Variants in DMD observed in about 807,000 individuals in gnomAD.
DMD encodes dystrophin, also known as mutant dystrophin.
A neutral mutation model predicts 330.1 loss-of-function variants in DMD; 63 were observed. The observed-to-expected ratio is 0.19, with a 90% CI of 0.16 to 0.24. The LOEUF (loss-of-function observed/expected upper bound fraction) is 0.24. Ranked by LOEUF, DMD falls within the 10% of genes least tolerant of loss-of-function variation. The pLI, the probability that DMD is intolerant of heterozygous loss-of-function variation, is 1.00. For missense variants in DMD, 3,344 were observed against 2,684.1 expected (o/e 1.25, Z -5.43); for synonymous variants, 1,223 against 959.8 (o/e 1.27, Z -5.07).
At chrX:31,415,256 G>A (rs1343113967) in intron 60 of DMD, among the ~76,000 whole-genome samples, 1 of 112,219 alleles carries the variant, frequency 8.9e-6, no homozygotes, top group Non-Finnish European at 1.9e-5. Flanking sequence ...GATCAAACAA[G>A]GTCTACTAAC....
At chrX:32,054,938 A>G (rs2096156817) in intron 44 of DMD, among the ~76,000 whole-genome samples, 1 of 109,093 alleles carries the variant, frequency 9.2e-6, no homozygotes, top group Non-Finnish European at 1.9e-5. Context: ...CCAGAGATAC[A>G]AGGATGCAAA....
At chrX:32,489,258 G>T (rs1411584854) in intron 20 of DMD, among the ~76,000 whole-genome samples, 1 of 109,823 alleles carries the variant, frequency 9.1e-6, no homozygotes, top group African/African-American at 3.3e-5. Flanking sequence ...ACATGTTGAA[G>T]TCCTAACCAT....
chrX:31,621,304 A>C (rs963983882), intron 55 of DMD, among the ~76,000 whole-genome samples: 3 of 111,715 alleles, frequency 2.7e-5, no homozygotes, highest in Admixed American at 1.9e-4. Flanking sequence ...TGTTTGTTCA[A>C]CCTCACCACT....
intron 55 of DMD, among the ~76,000 whole-genome samples, chrX:31,519,782 G>C (rs2072577600): frequency 8.9e-6 from 1 of 111,916 alleles, no homozygotes; most frequent in South Asian, 3.7e-4. Flanking sequence ...AGTTTTGAAT[G>C]TTAAAGAAGG....
intron 6 of DMD, among the ~76,000 whole-genome samples, chrX:32,814,277 A>T (rs1006490156): frequency 2.7e-5 from 3 of 112,565 alleles, no homozygotes; most frequent in Non-Finnish European, 5.6e-5. Context: ...GGGTTTTAAC[A>T]CAAAAAGTAG....
intron 44 of DMD, among the ~76,000 whole-genome samples, chrX:32,067,747 A>G (rs1418529869): frequency 8.9e-6 from 1 of 111,991 alleles, no homozygotes; most frequent in Non-Finnish European, 1.9e-5. Context: ...TACTTTATCC[A>G]ATCCAACGTT....
chrX:32,705,547 C>T (rs988204663), intron 7 of DMD, among the ~76,000 whole-genome samples: 4 of 111,797 alleles, frequency 3.6e-5, no homozygotes, highest in Non-Finnish European at 3.8e-5. Context: ...GGCGCTTTAG[C>T]TCATGCCTGT....
intron 50 of DMD, among the ~76,000 whole-genome samples, chrX:31,815,399 G>A (rs191305527): frequency 9.9e-4 from 107 of 107,760 alleles, no homozygotes; most frequent in African/African-American, 3.7e-3. Flanking sequence ...GCTGTGAGCC[G>A]AGATTGCACC....
chrX:32,624,813 C>T (rs1277766469), intron 11 of DMD, among the ~76,000 whole-genome samples: 1 of 112,136 alleles, frequency 8.9e-6, no homozygotes, highest in Admixed American at 9.4e-5. Flanking sequence ...GACATGAAAA[C>T]GTATCTGTAT....
chrX:31,396,298 C>T (rs1037648025), intron 60 of DMD, among the ~76,000 whole-genome samples: 22 of 110,370 alleles, frequency 2.0e-4, no homozygotes, highest in African/African-American at 7.3e-4. Flanking sequence ...CAACCACGCC[C>T]GGCTAATTTT....
At chrX:31,772,906 A>G in intron 51 of DMD, among the ~76,000 whole-genome samples, 1 of 112,263 alleles carries the variant, frequency 8.9e-6, no homozygotes, top group Non-Finnish European at 1.9e-5. Context: ...CTGTACTCAG[A>G]ATAGGAAACG....
chrX:32,361,446 C>T (rs896119992), intron 37 of DMD, among the ~76,000 whole-genome samples: 3 of 111,366 alleles, frequency 2.7e-5, no homozygotes, highest in South Asian at 3.7e-4. Context: ...TATATAAGGT[C>T]TCTATGTATG....
At chrX:31,293,304 G>T (rs1276635828) in intron 62 of DMD, among the ~76,000 whole-genome samples, 1 of 107,039 alleles carries the variant, frequency 9.3e-6, no homozygotes, top group Non-Finnish European at 1.9e-5. Context: ...GCGAACATAG[G>T]TGTATTCATT....
intron 44 of DMD, among the ~76,000 whole-genome samples, chrX:32,125,769 G>A (rs1407651346): frequency 1.8e-5 from 2 of 109,905 alleles, no homozygotes; most frequent in East Asian, 5.7e-4. Flanking sequence ...TAGATGAAGA[G>A]AACTGAAGTC....
intron 57 of DMD, among the ~76,000 whole-genome samples, chrX:31,482,185 T>C (rs2068340695): frequency 9.7e-6 from 1 of 103,160 alleles, no homozygotes; most frequent in Non-Finnish European, 2.0e-5. Context: ...AGGATAAAAT[T>C]ATTGAAGAGT....
At chrX:32,621,455 G>A (rs1448080830) in intron 11 of DMD, among the ~76,000 whole-genome samples, 1 of 108,989 alleles carries the variant, frequency 9.2e-6, no homozygotes, top group African/African-American at 3.4e-5. Context: ...TGACCAATAA[G>A]AAGAGATGTA....
At chrX:32,086,693 A>G (rs1476656156) in intron 44 of DMD, among the ~76,000 whole-genome samples, 4 of 111,639 alleles carry the variant, frequency 3.6e-5, no homozygotes, top group Non-Finnish European at 7.5e-5. Context: ...GGCATGTGAC[A>G]GTAGATGCTA....
At chrX:33,046,636 T>C (rs951306776) in intron 1 of DMD, among the ~76,000 whole-genome samples, 2 of 112,231 alleles carry the variant, frequency 1.8e-5, no homozygotes, top group African/African-American at 6.5e-5. Context: ...TGATTGTAAA[T>C]ATCAATCCTG....
At chrX:32,670,828 T>G (rs1391308468) in intron 9 of DMD, among the ~76,000 whole-genome samples, 2 of 112,170 alleles carry the variant, frequency 1.8e-5, no homozygotes, top group Non-Finnish European at 3.8e-5. Context: ...TACAGTTTTT[T>G]TCCTGCTATG....
Sources: gnomAD v4.1 joint callset for allele counts (sites outside exome capture counted in the v4.1 genomes callset) on GRCh38, gnomAD v4.1.1 for gene constraint, MANE v1.5 for transcripts, NCBI Gene and HGNC (gene_info 2026-07-23, HGNC 2026-07-21) for gene names.